The following USP53 variants were observed in gnomAD, a reference collection of about 807,000 sequenced individuals.
USP53 encodes ubiquitin specific peptidase 53, also known as ubiquitin carboxyl-terminal hydrolase 53.
In USP53, 71 loss-of-function variants were observed where a neutral mutation model predicts 94.9. The ratio of observed to expected loss-of-function variants is 0.75; its 90% CI spans 0.62 to 0.91. The LOEUF is 0.91. Ranked by LOEUF, USP53 falls within the 40% of genes least tolerant of loss-of-function variation. USP53 has a pLI of 0.00. For synonymous variants in USP53, 375 were observed against 422.7 expected (o/e 0.89, Z 1.39); for missense variants, 1,173 against 1,281.0 (o/e 0.92, Z 1.29).
At chr4:119,275,882 C>T (rs1188215252) in intron 17 of USP53, among the ~76,000 whole-genome samples, 124 of 150,910 alleles carry the variant, frequency 8.2e-4, no homozygotes, top group Middle Eastern at 3.4e-3. Flanking sequence ...AGTTCACTCA[C>T]GATTTGGCTC....
chr4:119,250,917 T>TA (rs1553968201), intron 7 of USP53, among the ~76,000 whole-genome samples: 2 of 151,358 alleles, frequency 1.3e-5, no homozygotes, highest in East Asian at 1.9e-4. Flanking sequence ...TTTTTTTTTT[T>TA]AATTATACTT....
At chr4:119,246,947 AT>A (rs11299908) in intron 6 of USP53, among the ~76,000 whole-genome samples, 12,949 of 147,812 alleles carry the variant, frequency 0.088, 697 homozygotes, top group Middle Eastern at 0.13. Context: ...GACACACAGA[AT>A]TTTTTTTTTT....
intron 3 of USP53, among the ~76,000 whole-genome samples, chr4:119,234,840 G>T (rs1746520505): frequency 6.6e-6 from 1 of 152,172 alleles, no homozygotes; most frequent in African/African-American, 2.4e-5. Context: ...TGGATACTTA[G>T]ATCATTCAGT....
At chr4:119,270,903 C>T (rs1012781810) in intron 15 of USP53, among the ~76,000 whole-genome samples, 8 of 149,290 alleles carry the variant, frequency 5.4e-5, no homozygotes, top group African/African-American at 1.9e-4. Context: ...AACTAGTCTG[C>T]ACTCCCACCA....
At chr4:119,280,063 G>C (rs1753314027) in intron 17 of USP53, among the ~76,000 whole-genome samples, 1 of 152,190 alleles carries the variant, frequency 6.6e-6, no homozygotes. Context: ...CCCGTCTTCT[G>C]CGTCGCTCAC....
At position 119,293,215 on chromosome 4, in the gene USP53, G is replaced by T; in HGVS notation, c.*4G>T. 1.9e-6 allele frequency: 3 copies of T among 1,577,046 alleles called. No individual in the cohort carries two copies. The South Asian group carries it at 3.5e-5, about 19-fold the overall frequency. ...TTGTAATAATTCACTATCTTAGAGTGAAAAAGGACTAGACCTGTGTTACAT... is the reference window on the plus strand; with the variant it reads ...TTGTAATAATTCACTATCTTAGAGTTAAAAAGGACTAGACCTGTGTTACAT... On this transcript the variant is annotated 3_prime_UTR_variant, in exon 19 of 19. Transcript: ENST00000692078.
intron 7 of USP53, among the ~76,000 whole-genome samples, chr4:119,250,581 GTTTTAC>G (rs983224746): frequency 1.5e-4 from 23 of 152,084 alleles, no homozygotes; most frequent in African/African-American, 5.1e-4. Context: ...AAACTTTATA[GTTTTAC>G]TTTCACTTAA....
At chr4:119,250,292 C>G (rs984750816) in intron 7 of USP53, among the ~76,000 whole-genome samples, 2 of 152,152 alleles carry the variant, frequency 1.3e-5, no homozygotes. Flanking sequence ...TAAGTCTATG[C>G]CTACCAGATA....
At chr4:119,259,293 A>G (rs1161407345) in intron 9 of USP53, among the ~76,000 whole-genome samples, 55 of 149,662 alleles carry the variant, frequency 3.7e-4, no homozygotes, top group East Asian at 1.4e-3. Context: ...AAAAAAAAAA[A>G]AAGGGGGGGG....
chr4:119,213,660 ATGTGTGTGTGTGTATG>A (rs1743266217), intron 1 of USP53, among the ~76,000 whole-genome samples: 5 of 117,762 alleles, frequency 4.2e-5, no homozygotes, highest in African/African-American at 1.8e-4. Context: ...ATATATATAT[ATGTGTGTGTGTGTATG>A]TATGTATGTA....
chr4:119,273,671 G>C lies in USP53; in HGVS notation c.2214G>C (p.Gly738=). The C allele has an allele frequency of 6.2e-7, 1 of 1,611,736 alleles. No homozygotes were observed. The highest frequency in any genetic ancestry group is 8.5e-7 in the Non-Finnish European group (1 of 1,178,958). ...ITTSNLNKER[G]DCTSLQSQHH... is the part of the protein sequence containing the mutation. ...CAAGCAACCTAAATAAAGAACGTGG[G>C]GACTGTACCTCCCTTCAGAGCCAAC... The change falls in exon 17 of 19, where the codon GGG becomes GGC. Residue 738 remains glycine, a synonymous_variant. Coordinates refer to ENST00000692078, the MANE Select transcript of USP53 (RefSeq NM_001371395.1).
chr4:119,239,929 TAA>T, intron 5 of USP53, 26 bp downstream of exon 5: 1 of 1,395,314 alleles, frequency 7.2e-7, no homozygotes, highest in Non-Finnish European at 9.4e-7. Context: ...CTTATTACAT[TAA>T]AAAAAATACT....
chr4:119,218,810 T>G (rs1011183374), intron 3 of USP53: 12 of 151,850 alleles, frequency 7.9e-5, no homozygotes, highest in African/African-American at 2.9e-4. Flanking sequence ...TTGGTATAAC[T>G]CTTCTGTTTG....
chr4:119,223,952 C>T (rs998703390), intron 3 of USP53, among the ~76,000 whole-genome samples: 5 of 152,094 alleles, frequency 3.3e-5, no homozygotes, highest in Non-Finnish European at 5.9e-5. Flanking sequence ...CCTATATCTA[C>T]ATATTATTTT....
intron 3 of USP53, among the ~76,000 whole-genome samples, chr4:119,225,961 T>C (rs1187660785): frequency 6.6e-6 from 1 of 152,344 alleles, no homozygotes; most frequent in East Asian, 1.9e-4. Context: ...AAAATCATTG[T>C]AATATACTGC....
At chr4:119,266,262 G>A (rs951684157) in intron 12 of USP53, 1 of 456,124 alleles carries the variant, frequency 2.2e-6, no homozygotes, top group Non-Finnish European at 4.4e-6. Context: ...GTTGAAGTAT[G>A]AGTAATCTGT....
chr4:119,292,646 TG>T lies in USP53; in HGVS notation c.2659del (p.Asp887IlefsTer14). The T allele has an allele frequency of 1.2e-6, 2 of 1,614,102 alleles. No homozygotes were observed. The highest frequency in any genetic ancestry group is 1.7e-6 in the Non-Finnish European group (2 of 1,179,968). ...TAPLIQQQNI[M>X]DQCYFENSLS... ...CCTCTCATCCAGCAACAAAATATCA[TG>T]GATCAATGTTACTTTGAGAACTCTC... is the stretch of plus-strand genomic sequence containing the variant. On this transcript the variant is annotated frameshift_variant, in exon 19 of 19. Coordinates refer to ENST00000692078, the MANE Select transcript of USP53 (RefSeq NM_001371395.1). LOFTEE classifies it low-confidence loss of function (END_TRUNC).
At chr4:119,260,029 C>A (rs1750289570) in intron 10 of USP53, 104 bp downstream of exon 10, 4 of 756,206 alleles carry the variant, frequency 5.3e-6, no homozygotes, top group Non-Finnish European at 7.7e-6. Flanking sequence ...CTAGAATTAG[C>A]TTTAAGAATT....
intron 4 of USP53, among the ~76,000 whole-genome samples, chr4:119,237,433 A>G (rs1746924748): frequency 6.6e-6 from 1 of 152,166 alleles, no homozygotes; most frequent in East Asian, 1.9e-4. Context: ...ACCTGGTGCT[A>G]AACTATTCAT....
Sources: allele counts gnomAD v4.1 joint callset (sites outside exome capture counted in the v4.1 genomes callset), GRCh38; gene constraint gnomAD v4.1.1; transcripts MANE v1.5; gene names NCBI Gene and HGNC (gene_info 2026-07-23, HGNC 2026-07-21).